The following TMEM272 variants were observed in gnomAD, a reference collection of about 807,000 sequenced individuals.
TMEM272 encodes the protein transmembrane protein 272.
Under a neutral mutation model 3.7 loss-of-function variants are expected in TMEM272, and 8 were observed. The observed-to-expected ratio is 2.17, with a 90% confidence interval of 1.27 to 3.91. TMEM272 has a LOEUF of 3.91. Among genes scored for constraint, TMEM272 ranks in the 30% most tolerant of loss-of-function variants. The pLI, the probability that TMEM272 is intolerant of heterozygous loss-of-function variation, is 0.00. For missense variants in TMEM272, 166 were observed against 91.5 expected (o/e 1.81, Z -3.32); for synonymous variants, 63 against 39.8 (o/e 1.58, Z -2.20).
At chr13:51,829,043 T>C (rs1310248936) in intron 2 of TMEM272, among the ~76,000 whole-genome samples, 1 of 152,230 alleles carries the variant, frequency 6.6e-6, no homozygotes, top group East Asian at 1.9e-4. Context: ...AGGTGGAGAA[T>C]GTGGGTAGAA....
the TMEM272 span, among the ~76,000 whole-genome samples, chr13:51,874,503 C>T: frequency 3.9e-5 from 6 of 152,212 alleles, no homozygotes; most frequent in African/African-American, 1.4e-4. Flanking sequence ...CCTCTGACTT[C>T]CCTGAGGGAA....
At chr13:51,894,347 G>A in the TMEM272 span, among the ~76,000 whole-genome samples, 2 of 152,180 alleles carry the variant, frequency 1.3e-5, no homozygotes, top group East Asian at 3.9e-4. Context: ...TCAGGGGACT[G>A]GGACATCAGC....
intron 3 of TMEM272, among the ~76,000 whole-genome samples, chr13:51,824,142 G>C (rs1593591730): frequency 6.6e-6 from 1 of 152,194 alleles, no homozygotes; most frequent in Non-Finnish European, 1.5e-5. Context: ...TCACAGGAGA[G>C]TCAATCAGTG....
At chr13:51,924,142 C>T in the TMEM272 span, among the ~76,000 whole-genome samples, 1 of 152,086 alleles carries the variant, frequency 6.6e-6, no homozygotes, top group Non-Finnish European at 1.5e-5. Context: ...AGAGCCTTGC[C>T]CTCTAGTCAT....
At chr13:51,927,443 G>A in the TMEM272 span, among the ~76,000 whole-genome samples, 6 of 152,202 alleles carry the variant, frequency 3.9e-5, no homozygotes, top group South Asian at 1.0e-3. Context: ...ACATTCTTTA[G>A]GAATTCATAT....
At chr13:51,884,405 C>T in the TMEM272 span, among the ~76,000 whole-genome samples, 1 of 152,188 alleles carries the variant, frequency 6.6e-6, no homozygotes, top group Non-Finnish European at 1.5e-5. Flanking sequence ...TTGCTCTCTC[C>T]TTTGCAAATA....
chr13:51,845,458 G>A (rs1452224462), upstream of TMEM272, among the ~76,000 whole-genome samples: 1 of 152,340 alleles, frequency 6.6e-6, no homozygotes, highest in East Asian at 1.9e-4. Flanking sequence ...ACACGAGAAA[G>A]GGTGGACCGA....
chr13:51,871,563 C>T, the TMEM272 span, among the ~76,000 whole-genome samples: 1 of 152,080 alleles, frequency 6.6e-6, no homozygotes. Context: ...TCCCTTGCCA[C>T]TTGCCAGGAA....
At chr13:51,910,397 C>A in the TMEM272 span, 1 of 1,051,588 alleles carries the variant, frequency 9.5e-7, no homozygotes, top group Non-Finnish European at 1.5e-6. Flanking sequence ...CAAGCTCTTT[C>A]TCTCTTCCCA....
At chr13:51,911,042 C>T in the TMEM272 span, among the ~76,000 whole-genome samples, 3 of 152,136 alleles carry the variant, frequency 2.0e-5, no homozygotes, top group South Asian at 4.1e-4. Context: ...TGTTTTAAGT[C>T]GCTAAGCTTT....
intron 4 of TMEM272, among the ~76,000 whole-genome samples, chr13:51,819,648 G>A (rs1593589857): frequency 2.6e-5 from 4 of 152,166 alleles, no homozygotes; most frequent in Admixed American, 2.0e-4. Flanking sequence ...TTGATTTTTT[G>A]TTCCTTGTAG....
Position 51,816,614 on chromosome 13 carries a change from T to C in TMEM272, c.*137A>G. On this transcript the variant is annotated 3_prime_UTR_variant, in exon 5 of 5. Transcript: ENST00000629372. ...CCTTTGGGTGGCTTTTTAAATGCCT[T>C]CAGGGAAGGTTTTATTACCTTTATG... 1.7e-6 allele frequency: 1 copy of C among 590,040 alleles called. No individual in the cohort carries two copies. The allele number at this position is 590,040 out of a possible 1,614,324, so 36.6% of individuals were successfully genotyped here.
At chr13:51,826,364 G>A (rs1043265225) in intron 3 of TMEM272, among the ~76,000 whole-genome samples, 18 of 152,138 alleles carry the variant, frequency 1.2e-4, no homozygotes, top group Non-Finnish European at 2.4e-4. Flanking sequence ...ATACTGCACT[G>A]ATATCTCCCA....
the TMEM272 span, among the ~76,000 whole-genome samples, chr13:51,893,352 C>G: frequency 2.0e-5 from 3 of 152,170 alleles, no homozygotes; most frequent in Non-Finnish European, 4.4e-5. Flanking sequence ...GAAGTACATG[C>G]GAAAAGCATC....
chr13:51,896,009 C>A, the TMEM272 span, among the ~76,000 whole-genome samples: 1 of 152,230 alleles, frequency 6.6e-6, no homozygotes, highest in African/African-American at 2.4e-5. Flanking sequence ...CTAAACACTT[C>A]ATCTCTTTTC....
At chr13:51,886,749 A>C in the TMEM272 span, among the ~76,000 whole-genome samples, 3 of 152,326 alleles carry the variant, frequency 2.0e-5, no homozygotes, top group African/African-American at 7.2e-5. Flanking sequence ...AATTACAGGA[A>C]ATTTCCGGCT....
chr13:51,834,616 C>G (rs1174834598), intron 2 of TMEM272, among the ~76,000 whole-genome samples: 1 of 152,216 alleles, frequency 6.6e-6, no homozygotes, highest in African/African-American at 2.4e-5. Context: ...TCTCTCACAG[C>G]TGAGGGGCTG....
the TMEM272 span, among the ~76,000 whole-genome samples, chr13:51,880,425 T>C: frequency 6.6e-6 from 1 of 152,204 alleles, no homozygotes; most frequent in African/African-American, 2.4e-5. Context: ...ATTTGGAAAT[T>C]AGAATCAGTT....
At chr13:51,923,626 A>G in the TMEM272 span, among the ~76,000 whole-genome samples, 1 of 151,616 alleles carries the variant, frequency 6.6e-6, no homozygotes, top group African/African-American at 2.4e-5. Flanking sequence ...TCAAAGAAGA[A>G]GAGAGAAAAA....
Sources: allele counts gnomAD v4.1 joint callset (sites outside exome capture counted in the v4.1 genomes callset), GRCh38; gene constraint gnomAD v4.1.1; transcripts MANE v1.5; gene names NCBI Gene and HGNC (gene_info 2026-07-23, HGNC 2026-07-21).